The following BICD1 variants were observed in gnomAD, a reference collection of about 807,000 sequenced individuals.
The protein encoded by BICD1 is protein bicaudal D homolog 1.
A neutral mutation model predicts 92.5 loss-of-function variants in BICD1; 35 were observed. The observed-to-expected ratio is 0.38, with a 90% CI of 0.29 to 0.50. The LOEUF is 0.50. Ranked by LOEUF, BICD1 falls within the 20% of genes least tolerant of loss-of-function variation. The probability of loss-of-function intolerance (pLI) is 0.93; values close to 1 mark genes in which losing one functional copy is unlikely to be tolerated. For missense variants in BICD1, 950 were observed against 1,189.8 expected (o/e 0.80, Z 2.97); for synonymous variants, 429 against 465.1 (o/e 0.92, Z 1.00).
chr12:32,116,510 C>CTCTATATATATA (rs1233964108), intron 1 of BICD1, among the ~76,000 whole-genome samples: 13 of 104,412 alleles, frequency 1.2e-4, no homozygotes, highest in East Asian at 9.8e-4. Flanking sequence ...CTCTCTCTCT[C>CTCTATATATATA]TATATATATA....
intron 2 of BICD1, among the ~76,000 whole-genome samples, chr12:32,288,020 A>G (rs1365773264): frequency 6.6e-6 from 1 of 152,130 alleles, no homozygotes; most frequent in Non-Finnish European, 1.5e-5. Context: ...TCACAGTGTT[A>G]CAAGACAGCA....
At chr12:32,164,556 TG>T (rs1943698707) in intron 1 of BICD1, among the ~76,000 whole-genome samples, 2 of 152,208 alleles carry the variant, frequency 1.3e-5, no homozygotes, top group African/African-American at 4.8e-5. Flanking sequence ...GTAAATGGAT[TG>T]GGATTATTTC....
intron 2 of BICD1, among the ~76,000 whole-genome samples, chr12:32,258,239 A>G (rs1946768773): frequency 6.6e-6 from 1 of 152,076 alleles, no homozygotes; most frequent in Non-Finnish European, 1.5e-5. Flanking sequence ...TCATTTCAAA[A>G]CTTTCATTTC....
intron 8 of BICD1, among the ~76,000 whole-genome samples, chr12:32,363,141 C>T (rs1292002299): frequency 5.9e-5 from 9 of 152,178 alleles, no homozygotes; most frequent in African/African-American, 9.7e-5. Context: ...TTCCCTTCTA[C>T]GTGAGGCCCT....
intron 2 of BICD1, among the ~76,000 whole-genome samples, chr12:32,242,071 T>G (rs1481345781): frequency 3.4e-5 from 5 of 148,766 alleles, no homozygotes; most frequent in Non-Finnish European, 6.0e-5. Context: ...AAAAATTAGC[T>G]GGGCATGATG....
chr12:32,178,735 G>T (rs11051834), intron 1 of BICD1, among the ~76,000 whole-genome samples: 48,532 of 151,722 alleles, frequency 0.32, 8,611 homozygotes, highest in Admixed American at 0.48. Context: ...TAAAACCTCA[G>T]GCAGGTGGCT....
At chr12:32,342,800 G>T (rs182431975) in intron 8 of BICD1, among the ~76,000 whole-genome samples, 59 of 152,260 alleles carry the variant, frequency 3.9e-4, no homozygotes, top group Admixed American at 3.5e-3. Flanking sequence ...TTATTTCTAT[G>T]AGATGGTAAA....
At chr12:32,209,651 C>G (rs992650768) in intron 1 of BICD1, among the ~76,000 whole-genome samples, 10 of 152,172 alleles carry the variant, frequency 6.6e-5, no homozygotes, top group African/African-American at 2.2e-4. Context: ...CAGTGATTGT[C>G]TTTAAAGAGG....
chr12:32,182,867 TTTTTC>T lies in BICD1; in HGVS notation c.214-33366_214-33362del, dbSNP rs1343390883. Among the ~76,000 whole-genome samples, 310 of 146,732 alleles carry T rather than the reference TTTTTC, an allele frequency of 2.1e-3. 2 individuals are homozygous for T. Among genetic ancestry groups the T allele is most frequent in the African/African-American group, 7.3e-3 (297 of 40,496 alleles). On this transcript the variant is annotated intron_variant, in intron 1 of 9. Coordinates refer to ENST00000652176, the MANE Select transcript of BICD1 (RefSeq NM_001714.4). ...GGGTTAGAAAATTTGTGTTTTTTTC[TTTTTC>T]TTTTCTTTTCTTTCTTTCTTTTTTT... is the stretch of plus-strand genomic sequence containing the variant.
chr12:32,157,955 T>A (rs1943487725), intron 1 of BICD1, among the ~76,000 whole-genome samples: 1 of 152,028 alleles, frequency 6.6e-6, no homozygotes. Context: ...GTGGCTCAGG[T>A]TCCAGATGTA....
intron 4 of BICD1, among the ~76,000 whole-genome samples, chr12:32,312,564 G>A (rs568763872): frequency 6.6e-6 from 1 of 152,292 alleles, no homozygotes; most frequent in African/African-American, 2.4e-5. Flanking sequence ...AAAGGCAAGT[G>A]GTGGTAAGCC....
intron 4 of BICD1, among the ~76,000 whole-genome samples, chr12:32,307,177 C>CA (rs1159299330): frequency 1.3e-5 from 2 of 152,094 alleles, no homozygotes; most frequent in African/African-American, 2.4e-5. Flanking sequence ...TTACATTTCA[C>CA]AGGAATACTT....
intron 4 of BICD1, among the ~76,000 whole-genome samples, chr12:32,318,099 GT>G (rs1948553341): frequency 6.6e-6 from 1 of 151,528 alleles, no homozygotes; most frequent in East Asian, 1.9e-4. Flanking sequence ...GTACCATGCT[GT>G]TTTGGTTACT....
Position 32,305,892 on chromosome 12 carries a change from A to G in BICD1, c.775A>G (p.Asn259Asp), listed in dbSNP as rs1248184964. 6.2e-7 allele frequency: 1 copy of G among 1,614,084 alleles called. No individual in the cohort carries two copies. Among genetic ancestry groups the G allele is most frequent in the Non-Finnish European group, 8.5e-7 (1 of 1,180,038 alleles). The part of the protein sequence containing the change: ...RKELSQYISL[N>D]DNHISISVDG... ...GGAGCTCTCCCAGTATATCAGCCTC[A>G]ATGATAACCATATCAGCATCTCAGT... The change falls in exon 4 of 10, where the codon AAT (asparagine) becomes GAT (aspartate). Residue 259 changes from asparagine (N) to aspartate (D), a missense_variant. Around this residue, in one of 5 missense-constraint regions of BICD1, gnomAD observed 246 missense variants for 258.4 expected, o/e 0.95. Transcript: ENST00000652176.
At chr12:32,261,527 C>A (rs564999574) in intron 2 of BICD1, among the ~76,000 whole-genome samples, 9 of 152,258 alleles carry the variant, frequency 5.9e-5, no homozygotes, top group African/African-American at 1.9e-4. Context: ...AAGACACAAG[C>A]AGCATTGCTA....
chr12:32,200,341 A>G (rs1229518641), intron 1 of BICD1, among the ~76,000 whole-genome samples: 5 of 152,232 alleles, frequency 3.3e-5, no homozygotes, highest in African/African-American at 1.2e-4. Context: ...CTTCCACCAT[A>G]GCCGACCAGG....
At chr12:32,288,573 T>G (rs1465264529) in intron 2 of BICD1, among the ~76,000 whole-genome samples, 2 of 152,010 alleles carry the variant, frequency 1.3e-5, no homozygotes, top group African/African-American at 4.8e-5. Context: ...TAAAAATTAT[T>G]ATAATAAGTT....
In BICD1 at chr12:32,328,620, T is replaced by C. The variant is rs1359779759; in HGVS notation, c.2100+65T>C. 6.5e-7 allele frequency: 1 copy of C among 1,539,684 alleles called. No homozygotes were observed. The highest frequency in any genetic ancestry group is 8.7e-7 in the Non-Finnish European group (1 of 1,143,758). On this transcript the variant is annotated intron_variant, in intron 5 of 9. Transcript: ENST00000652176. This position sits in a 1 kb window ranked among gnomAD's most constrained non-coding sequence, Gnocchi z 4.4. ...TTTCTTAACTAATTTATTCCCTAATTTTATTGAGTATCGAGTATCGTCAAG... is the reference window on the plus strand; with the variant it reads ...TTTCTTAACTAATTTATTCCCTAATCTTATTGAGTATCGAGTATCGTCAAG...
intron 1 of BICD1, among the ~76,000 whole-genome samples, chr12:32,191,858 C>A (rs1944578106): frequency 6.6e-6 from 1 of 151,874 alleles, no homozygotes; most frequent in Non-Finnish European, 1.5e-5. Flanking sequence ...GGCTCTGCTA[C>A]TGTTCTGACT....
Sources: allele counts gnomAD v4.1 joint callset (sites outside exome capture counted in the v4.1 genomes callset), GRCh38; gene constraint gnomAD v4.1.1; regional missense constraint gnomAD v4.1.1; non-coding constraint Gnocchi (gnomAD v3.1); transcripts MANE v1.5; gene names NCBI Gene and HGNC (gene_info 2026-07-23, HGNC 2026-07-21).